The following TMEM101 variants were observed in gnomAD, a reference collection of about 807,000 sequenced individuals.
TMEM101 encodes putative NF-kappa-B-activating protein 130.
TMEM101 carries 14 observed loss-of-function variants against 26.0 expected under a neutral mutation model. The ratio of observed to expected loss-of-function variants is 0.54; its 90% confidence interval spans 0.36 to 0.84. TMEM101 has a LOEUF of 0.84. TMEM101 is among the 40% of genes least tolerant of loss of function. The pLI is 0.01. For synonymous variants in TMEM101, 152 were observed against 145.1 expected (o/e 1.05, Z -0.34); for missense variants, 292 against 345.1 (o/e 0.85, Z 1.22).
At chr17:44,021,785 GT>G (rs1394221947) in intron 1 of TMEM101, among the ~76,000 whole-genome samples, 6 of 152,216 alleles carry the variant, frequency 3.9e-5, no homozygotes, top group African/African-American at 1.4e-4. Context: ...TGAAGCAGAG[GT>G]GCTCCGTTTC....
At chr17:44,020,207 G>A (rs2049273255) in intron 2 of TMEM101, among the ~76,000 whole-genome samples, 2 of 152,160 alleles carry the variant, frequency 1.3e-5, no homozygotes, top group Admixed American at 1.3e-4. Context: ...ATCCCAGATG[G>A]TGAATGGAAT....
chr17:44,016,952 G>A (rs2049238400), upstream of TMEM101, among the ~76,000 whole-genome samples: 1 of 152,010 alleles, frequency 6.6e-6, no homozygotes, highest in South Asian at 2.1e-4. Context: ...GGCCAAGATG[G>A]TGAAACCCCG....
chr17:44,016,738 A>G (rs1597872450), upstream of TMEM101, among the ~76,000 whole-genome samples: 1 of 152,224 alleles, frequency 6.6e-6, no homozygotes, highest in African/African-American at 2.4e-5. Context: ...GCACCAATGT[A>G]AAGTTGAAAA....
chr17:44,012,840 G>T, intron 3 of TMEM101, 169 bp downstream of exon 3: 1 of 623,040 alleles, frequency 1.6e-6, no homozygotes. Context: ...ACAGGCATTT[G>T]GAGGGCCCCT....
At chr17:44,016,950 T>C (rs995937094), upstream of TMEM101, among the ~76,000 whole-genome samples, 3 of 151,410 alleles carry the variant, frequency 2.0e-5, no homozygotes, top group African/African-American at 7.3e-5. Context: ...CTGGCCAAGA[T>C]GGTGAAACCC....
At chr17:44,017,260 C>T (rs1223416310), upstream of TMEM101, among the ~76,000 whole-genome samples, 1 of 151,386 alleles carries the variant, frequency 6.6e-6, no homozygotes, top group African/African-American at 2.4e-5. Context: ...GTTAGGGGTT[C>T]GAGACCAGCG....
chr17:44,017,006 ATCCCAGCTACTCCGGGCGCCTGTAG>A (rs2049238944), upstream of TMEM101, among the ~76,000 whole-genome samples: 1 of 151,852 alleles, frequency 6.6e-6, no homozygotes, highest in Admixed American at 6.6e-5. Context: ...GATGGCTGTA[ATCCCAGCTACTCCGGGCGCCTGTAG>A]TCCCAGCTAC....
chr17:44,020,594 C>T (rs1029059149), intron 2 of TMEM101, among the ~76,000 whole-genome samples: 41 of 152,164 alleles, frequency 2.7e-4, no homozygotes, highest in African/African-American at 9.2e-4. Context: ...TGGCGACATG[C>T]ACCTATAATC....
upstream of TMEM101, among the ~76,000 whole-genome samples, chr17:44,015,609 G>A (rs1254930482): frequency 1.3e-5 from 2 of 152,110 alleles, no homozygotes; most frequent in Admixed American, 6.5e-5. Context: ...TAGCCAGGAT[G>A]GTCTCGATCT....
intron 1 of TMEM101, 113 bp downstream of exon 1, chr17:44,014,703 C>A: frequency 6.6e-7 from 1 of 1,506,088 alleles, no homozygotes; most frequent in South Asian, 1.3e-5. Context: ...ACCAGAACCC[C>A]TCCCAGGGAG....
chr17:44,016,235 C>A (rs940089680), upstream of TMEM101, among the ~76,000 whole-genome samples: 1 of 151,856 alleles, frequency 6.6e-6, no homozygotes, highest in African/African-American at 2.4e-5. Flanking sequence ...TGCAGTGGTG[C>A]GATCTTGGCT....
In TMEM101 at chr17:44,012,117, C is replaced by T; in HGVS notation, c.585G>A (p.Leu195=). 1 of 1,614,258 alleles carries T rather than the reference C, an allele frequency of 6.2e-7. No individual in the cohort carries two copies. The highest frequency in any genetic ancestry group is 8.5e-7 in the Non-Finnish European group (1 of 1,180,048). ...CAGCGAGGGTCACGTAGTAGCCTGA[C>T]AGAAAGGCCAGGGCCAGGATGCCAT... ...VLYGILALAF[L]SGYYVTLAAQ... Residue 195 remains leucine, a synonymous_variant, in exon 4 of 4, where the codon CTG becomes CTA. Coordinates refer to ENST00000206380, the MANE Select transcript of TMEM101 (RefSeq NM_032376.4).
At chr17:44,017,707 G>A (rs1337875667), upstream of TMEM101, among the ~76,000 whole-genome samples, 1 of 151,104 alleles carries the variant, frequency 6.6e-6, no homozygotes, top group African/African-American at 2.4e-5. Context: ...AGGTTGGAGT[G>A]AGCCAAGTTC....
At chr17:44,012,300 C>A (rs2049171029) in intron 3 of TMEM101, 64 bp from the exon 4 acceptor site, 1 of 1,487,682 alleles carries the variant, frequency 6.7e-7, no homozygotes, top group Non-Finnish European at 9.0e-7. Context: ...GGTAAACCAC[C>A]CCTGAGATGG....
Position 44,011,966 on chromosome 17 carries a change from T to C in TMEM101, c.736A>G (p.Ile246Val), listed in dbSNP as rs2049163443. 1 of 1,613,550 alleles carries C rather than the reference T, an allele frequency of 6.2e-7. No individual in the cohort carries two copies. The highest frequency in any genetic ancestry group is 1.7e-5 in the Admixed American group (1 of 59,996). ...QMKLLGESVG[I>V]FGTAVILATD... ...GCCAGGATGACAGCAGTTCCGAAGATGCCCACACTCTCTCCAAGGAGCTTC... is the reference window on the plus strand; with the variant it reads ...GCCAGGATGACAGCAGTTCCGAAGACGCCCACACTCTCTCCAAGGAGCTTC... The change falls in exon 4 of 4, where the codon ATC (isoleucine) becomes GTC (valine). Residue 246 changes from isoleucine (I) to valine (V), a missense_variant. Ile to Val is a conservative substitution (Grantham distance 29). Around this residue, in one of 2 missense-constraint regions of TMEM101, gnomAD observed 149 missense variants for 211.9 expected, o/e 0.70. Transcript: ENST00000206380.
rs745796955 is a variant in TMEM101 at position 44,012,066 on chromosome 17, G to T, written c.636C>A (p.Pro212=). The change falls in exon 4 of 4, where the codon CCC becomes CCA. Residue 212 remains proline, a synonymous_variant. Transcript: ENST00000206380. ...LAAQILAVLL[P]PVMLLIDGNV... ...TGCCATCAATGAGCAGCATGACAGG[G>T]GGCAGCAGTACAGCCAGGATCTGGG... The T allele has an allele frequency of 3.1e-6, 5 of 1,614,228 alleles. No homozygotes were observed. The highest frequency in any genetic ancestry group is 4.2e-6 in the Non-Finnish European group (5 of 1,180,044).
chr17:44,014,832 T>A lies in TMEM101; in HGVS notation c.121A>T (p.Arg41Trp), dbSNP rs146244852. 2 of 1,599,258 alleles carry A rather than the reference T, an allele frequency of 1.3e-6. No individual in the cohort carries two copies. The highest frequency in any genetic ancestry group is 1.7e-6 in the Non-Finnish European group (2 of 1,171,058). Residue 41 changes from arginine (R) to tryptophan (W), a missense_variant, in exon 1 of 4, where the codon AGG becomes TGG. By Grantham distance (101) the Arg-to-Trp change is moderately radical. Around this residue, in one of 2 missense-constraint regions of TMEM101, gnomAD observed 143 missense variants for 133.2 expected, o/e 1.07. Coordinates refer to ENST00000206380, the MANE Select transcript of TMEM101 (RefSeq NM_032376.4). ...CFSQLMLYAE[R>W]AEARRKPDIP... ...CCTGCTCACCGGCGTGCCTCAGCCC[T>A]CTCAGCGTACAGCATGAGCTGGCTG...
At chr17:44,018,580 C>T (rs1382632376), upstream of TMEM101, among the ~76,000 whole-genome samples, 7 of 152,150 alleles carry the variant, frequency 4.6e-5, no homozygotes, top group Admixed American at 2.6e-4. Flanking sequence ...CTCACCTCTC[C>T]GTTTCAAATG....
At chr17:44,020,945 C>T (rs2049279062) in intron 2 of TMEM101, among the ~76,000 whole-genome samples, 1 of 152,200 alleles carries the variant, frequency 6.6e-6, no homozygotes, top group Non-Finnish European at 1.5e-5. Context: ...GTGCTGATTA[C>T]TAGCAGACAG....
Sources: gnomAD v4.1 joint callset for allele counts (sites outside exome capture counted in the v4.1 genomes callset) on GRCh38, gnomAD v4.1.1 for gene constraint, gnomAD v4.1.1 regional missense constraint, MANE v1.5 for transcripts, NCBI Gene and HGNC (gene_info 2026-07-23, HGNC 2026-07-21) for gene names.